PLS3: variants seen among roughly 807,000 people sequenced by gnomAD.
PLS3 encodes the protein plastin-3.
PLS3 carries 11 observed loss-of-function variants against 46.5 expected under a neutral mutation model. The observed-to-expected ratio is 0.24, with a 90% CI of 0.15 to 0.39. PLS3 has a LOEUF of 0.39. Ranked by LOEUF, PLS3 falls within the 10% of genes least tolerant of loss-of-function variation. The probability of loss-of-function intolerance (pLI) is 1.00; values close to 1 mark genes in which losing one functional copy is unlikely to be tolerated. For synonymous variants in PLS3, 167 were observed against 162.2 expected (o/e 1.03, Z -0.22); for missense variants, 308 against 461.8 (o/e 0.67, Z 3.05).
chrX:115,625,883 A>G (rs2074705579), intron 3 of PLS3, among the ~76,000 whole-genome samples: 1 of 112,188 alleles, frequency 8.9e-6, no homozygotes, highest in East Asian at 2.8e-4. Context: ...AAGAAGGCGA[A>G]ACTTAATAAA....
chrX:115,629,392 G>A (rs782213183), intron 4 of PLS3, 65 bp downstream of exon 4: 159 of 947,681 alleles, frequency 1.7e-4, no homozygotes, highest in Non-Finnish European at 2.2e-4. Flanking sequence ...GTAATGTCAA[G>A]GACGGGCTCT....
chrX:115,590,610 A>G (rs1348100355), intron 1 of PLS3, among the ~76,000 whole-genome samples: 2 of 111,431 alleles, frequency 1.8e-5, no homozygotes, highest in African/African-American at 6.5e-5. Context: ...ACCTGAGGTC[A>G]GGAGTTCTAG....
intron 14 of PLS3, 79 bp downstream of exon 14, chrX:115,647,752 T>C (rs1234366346): frequency 8.9e-7 from 1 of 1,124,874 alleles, no homozygotes; most frequent in African/African-American, 1.8e-5. Context: ...TTTTGGCTTC[T>C]TTGTGAGTGA....
At chrX:115,642,210 C>T (rs1284072445) in intron 9 of PLS3, among the ~76,000 whole-genome samples, 2 of 110,056 alleles carry the variant, frequency 1.8e-5, no homozygotes, top group Non-Finnish European at 3.8e-5. Context: ...ACAGTTTTAC[C>T]TGTTTTTTAT....
intron 5 of PLS3, among the ~76,000 whole-genome samples, chrX:115,630,300 T>A (rs1556639097): frequency 9.0e-6 from 1 of 111,236 alleles, no homozygotes; most frequent in East Asian, 2.8e-4. Flanking sequence ...AGGCTACTCT[T>A]CAGTTCTCAC....
At chrX:115,568,946 G>C (rs2074194981) in intron 1 of PLS3, among the ~76,000 whole-genome samples, 1 of 108,965 alleles carries the variant, frequency 9.2e-6, no homozygotes. Context: ...TAAGGCAGGA[G>C]AATCGCTTGA....
At chrX:115,570,881 C>A (rs1437587294) in intron 1 of PLS3, among the ~76,000 whole-genome samples, 1 of 102,363 alleles carries the variant, frequency 9.8e-6, no homozygotes, top group African/African-American at 3.7e-5. Flanking sequence ...ACCTGTTTAT[C>A]GTTTAATTTA....
chrX:115,588,190 T>C (rs1325327124), intron 1 of PLS3, among the ~76,000 whole-genome samples: 1 of 112,499 alleles, frequency 8.9e-6, no homozygotes, highest in Non-Finnish European at 1.9e-5. Flanking sequence ...TATCAGACTC[T>C]ACATTGCAAC....
intron 1 of PLS3, among the ~76,000 whole-genome samples, chrX:115,592,615 G>A (rs1450224091): frequency 5.4e-5 from 6 of 111,531 alleles, no homozygotes; most frequent in African/African-American, 2.0e-4. Context: ...GCTTGATTTA[G>A]GAATTCACTG....
chrX:115,650,120 T>C lies in PLS3; in HGVS notation c.*559T>C, dbSNP rs1156320353. The C allele has an allele frequency of 3.6e-5, 4 of 112,339 alleles. No individual in the cohort carries two copies. The highest frequency in any genetic ancestry group is 2.9e-4 in the Admixed American group (3 of 10,490). The allele number at this position is 112,339 out of a possible 1,213,427, so 9.3% of individuals were successfully genotyped here. The stretch of plus-strand genomic sequence containing the variant: ...TCTTTTATTCTTAAGATCAGTATCT[T>C]TTTACAGTATTCTTTCTACATGATC... On this transcript the variant is annotated 3_prime_UTR_variant, in exon 16 of 16. Transcript: ENST00000355899.
At chrX:115,614,444 A>T in intron 2 of PLS3, 1 of 753,455 alleles carries the variant, frequency 1.3e-6, no homozygotes, top group Non-Finnish European at 1.6e-6. Context: ...CCACTAGTAC[A>T]GTGAATTCTA....
At chrX:115,630,104 C>T (rs2074749576) in intron 5 of PLS3, 137 bp downstream of exon 5, 6 of 454,316 alleles carry the variant, frequency 1.3e-5, no homozygotes, top group Non-Finnish European at 3.7e-6. Flanking sequence ...CTGCCTTTTT[C>T]ATTTAATCTC....
chrX:115,564,479 T>G (rs1406310398), intron 1 of PLS3, among the ~76,000 whole-genome samples: 3 of 112,237 alleles, frequency 2.7e-5, no homozygotes, highest in African/African-American at 9.7e-5. Context: ...AGAAACCCAA[T>G]GAGATTTTTC....
intron 7 of PLS3, 87 bp downstream of exon 7, chrX:115,635,133 G>A: frequency 1.3e-6 from 1 of 776,210 alleles, no homozygotes; most frequent in Admixed American, 2.7e-5. Context: ...TAATGGAGGT[G>A]ATTAAATGGT....
chrX:115,588,309 A>C (rs2074323027), intron 1 of PLS3, among the ~76,000 whole-genome samples: 1 of 111,942 alleles, frequency 8.9e-6, no homozygotes, highest in African/African-American at 3.2e-5. Flanking sequence ...ACAACAGTTT[A>C]TCTGTAGGAG....
chrX:115,567,436 A>G (rs2074183047), intron 1 of PLS3, among the ~76,000 whole-genome samples: 1 of 109,971 alleles, frequency 9.1e-6, no homozygotes, highest in Non-Finnish European at 1.9e-5. Context: ...ACTAAAATAC[A>G]AAAACTTAGC....
intron 1 of PLS3, among the ~76,000 whole-genome samples, chrX:115,600,323 CG>C (rs1556634394): frequency 1.9e-5 from 2 of 107,098 alleles, no homozygotes; most frequent in Non-Finnish European, 3.8e-5. Context: ...GAAGGAGTCT[CG>C]CTATGTTGTA....
intron 1 of PLS3, among the ~76,000 whole-genome samples, chrX:115,574,827 C>T (rs2074238345): frequency 8.9e-6 from 1 of 112,468 alleles, no homozygotes; most frequent in African/African-American, 3.2e-5. Context: ...AATCCGCCCA[C>T]CTCGGCTTCC....
At chrX:115,574,801 A>T (rs1314341768) in intron 1 of PLS3, among the ~76,000 whole-genome samples, 2 of 111,413 alleles carry the variant, frequency 1.8e-5, no homozygotes, top group Non-Finnish European at 3.8e-5. Context: ...CTGGTCTCAG[A>T]CTCCCGACCT....
Sources: allele counts gnomAD v4.1 joint callset (sites outside exome capture counted in the v4.1 genomes callset), GRCh38; gene constraint gnomAD v4.1.1; transcripts MANE v1.5; gene names NCBI Gene and HGNC (gene_info 2026-07-23, HGNC 2026-07-21).